SGCD: variants seen among roughly 807,000 people sequenced by gnomAD.
SGCD encodes delta-sarcoglycan.
A neutral mutation model predicts 36.6 loss-of-function variants in SGCD; 18 were observed. That is an observed-to-expected ratio of 0.49 (90% CI 0.34 to 0.73). The LOEUF is 0.73. Among genes scored for constraint, SGCD ranks in the 30% least tolerant of loss-of-function variants. The probability of loss-of-function intolerance (pLI) is 0.01; values close to 1 mark genes in which losing one functional copy is unlikely to be tolerated. For missense variants in SGCD, 387 were observed against 346.7 expected, an observed-to-expected ratio of 1.12 and a Z score of -0.92; for synonymous variants, 133 against 130.6, an observed-to-expected ratio of 1.02 and a Z score of -0.12.
chr5:156,249,190 T>G (rs2127659854), intron 3 of SGCD, among the ~76,000 whole-genome samples: 1 of 152,322 alleles, frequency 6.6e-6, no homozygotes, highest in South Asian at 2.1e-4. Flanking sequence ...GACTGAGCCT[T>G]GAGAAGTTTT....
At chr5:155,734,178 A>C in the SGCD span, among the ~76,000 whole-genome samples, 2 of 147,468 alleles carry the variant, frequency 1.4e-5, no homozygotes, top group African/African-American at 2.5e-5. Context: ...TTAATTAATA[A>C]TATTACTGTT....
At chr5:156,466,015 C>T (rs184315040) in intron 3 of SGCD, among the ~76,000 whole-genome samples, 1 of 152,190 alleles carries the variant, frequency 6.6e-6, no homozygotes, top group Non-Finnish European at 1.5e-5. Flanking sequence ...ATTCCTTCCC[C>T]TTTGGGACAA....
chr5:156,502,074 T>A (rs1756481386), intron 3 of SGCD, among the ~76,000 whole-genome samples: 1 of 149,986 alleles, frequency 6.7e-6, no homozygotes, highest in Non-Finnish European at 1.5e-5. Flanking sequence ...TGGGACGGAG[T>A]CTTGCTCTGT....
intron 1 of SGCD, among the ~76,000 whole-genome samples, chr5:155,915,686 T>G (rs775543783): frequency 3.3e-5 from 5 of 152,214 alleles, no homozygotes; most frequent in Non-Finnish European, 7.3e-5. Flanking sequence ...ACTCACATTC[T>G]CAAGCAATCA....
chr5:156,396,890 A>G (rs1380743023), intron 3 of SGCD, among the ~76,000 whole-genome samples: 1 of 152,216 alleles, frequency 6.6e-6, no homozygotes, highest in South Asian at 2.1e-4. Flanking sequence ...GTAGTAAGAG[A>G]TAAAGCTAGG....
chr5:155,888,598 A>T (rs1041873338), intron 1 of SGCD, among the ~76,000 whole-genome samples: 3 of 152,210 alleles, frequency 2.0e-5, no homozygotes, highest in Admixed American at 6.5e-5. Flanking sequence ...TTGGTAAAAA[A>T]GTATATGATC....
intron 3 of SGCD, among the ~76,000 whole-genome samples, chr5:156,198,845 G>A (rs1764080553): frequency 6.6e-6 from 1 of 151,546 alleles, no homozygotes; most frequent in African/African-American, 2.4e-5. Context: ...AGCCAATGGT[G>A]GTTTTTATTT....
intron 7 of SGCD, among the ~76,000 whole-genome samples, chr5:156,713,549 T>C (rs910128767): frequency 6.6e-6 from 1 of 152,138 alleles, no homozygotes; most frequent in Non-Finnish European, 1.5e-5. Flanking sequence ...TGTCAGAACC[T>C]TATATTGTCA....
rs964823553 is a variant in SGCD at position 156,261,850 on chromosome 5, C to A, written c.-43-67684C>A. Among the ~76,000 whole-genome samples the A allele has an allele frequency of 2.0e-5, 3 of 151,722 alleles. No individual in the cohort carries two copies. The East Asian group carries it at 5.8e-4, about 29-fold the overall frequency. On this transcript the variant is annotated intron_variant, in intron 3 of 9. Coordinates refer to the SGCD transcript ENST00000517913. ...GTGTGTGTTTTGTCTTAGTTTTTAACAAGAATTTAACAAGAATTTAAAAGT... is the reference window on the plus strand; with the variant it reads ...GTGTGTGTTTTGTCTTAGTTTTTAAAAAGAATTTAACAAGAATTTAAAAGT...
At chr5:156,752,542 G>A (rs1268286806) in intron 7 of SGCD, among the ~76,000 whole-genome samples, 1 of 152,062 alleles carries the variant, frequency 6.6e-6, no homozygotes, top group Non-Finnish European at 1.5e-5. Flanking sequence ...ACAGGCACCT[G>A]CCACCACACC....
At chr5:155,820,239 TAG>T in the SGCD span, among the ~76,000 whole-genome samples, 1 of 152,206 alleles carries the variant, frequency 6.6e-6, no homozygotes, top group South Asian at 2.1e-4. Context: ...AGTTTTCCTA[TAG>T]AATCCCTTAG....
At chr5:156,241,287 T>TGTGC (rs1023757470) in intron 3 of SGCD, among the ~76,000 whole-genome samples, 5 of 148,480 alleles carry the variant, frequency 3.4e-5, no homozygotes, top group Non-Finnish European at 7.5e-5. Context: ...TGTGTGTGTG[T>TGTGC]GCATGTATGT....
chr5:156,603,471 G>A (rs1317948247), intron 6 of SGCD, among the ~76,000 whole-genome samples: 1 of 151,670 alleles, frequency 6.6e-6, no homozygotes, highest in Admixed American at 6.6e-5. Context: ...TTTGGGTTTT[G>A]TTCTTACATT....
intron 1 of SGCD, among the ~76,000 whole-genome samples, chr5:155,911,353 C>A (rs189383674): frequency 6.8e-6 from 1 of 147,066 alleles, no homozygotes; most frequent in Non-Finnish European, 1.5e-5. Flanking sequence ...CAGAATAATT[C>A]TTTACCAAGA....
chr5:156,759,843 G>GCACT lies in SGCD; in HGVS notation c.*456_*459dup, dbSNP rs1757468220. 6.6e-6 allele frequency: 1 copy of GCACT among 152,168 alleles called. No individual in the cohort carries two copies. Among genetic ancestry groups the GCACT allele is most frequent in the East Asian group, 1.9e-4 (1 of 5,176 alleles). The allele number at this position is 152,168 out of a possible 1,614,324, so 9.4% of individuals were successfully genotyped here. ...GGGAGTGATGGCGGGAATCTCAGTC[G>GCACT]CACTCAAGCTCTGAGACCTTTGTAT... On this transcript the variant is annotated 3_prime_UTR_variant, in exon 9 of 9. Transcript: ENST00000337851.
chr5:156,667,364 A>T (rs1251803074), intron 7 of SGCD, among the ~76,000 whole-genome samples: 1 of 152,022 alleles, frequency 6.6e-6, no homozygotes, highest in Non-Finnish European at 1.5e-5. Context: ...AAATCCGTAA[A>T]TTTTCTCCCT....
chr5:156,696,447 C>T (rs1031896018), intron 7 of SGCD, among the ~76,000 whole-genome samples: 2 of 152,316 alleles, frequency 1.3e-5, no homozygotes, highest in South Asian at 2.1e-4. Context: ...CTCTTTTGCT[C>T]TGACTATACC....
the SGCD span, among the ~76,000 whole-genome samples, chr5:155,734,178 A>T: frequency 6.8e-6 from 1 of 147,468 alleles, no homozygotes; most frequent in African/African-American, 2.5e-5. Context: ...TTAATTAATA[A>T]TATTACTGTT....
At chr5:155,855,432 T>A in the SGCD span, among the ~76,000 whole-genome samples, 9 of 152,136 alleles carry the variant, frequency 5.9e-5, no homozygotes, top group Non-Finnish European at 1.2e-4. Flanking sequence ...TTCCAGTGTT[T>A]CCTGAATCGC....
Sources: allele counts gnomAD v4.1 joint callset (sites outside exome capture counted in the v4.1 genomes callset), GRCh38; gene constraint gnomAD v4.1.1; transcripts MANE v1.5; gene names NCBI Gene and HGNC (gene_info 2026-07-23, HGNC 2026-07-21).